The following LYPD6B variants were observed in gnomAD, a reference collection of about 807,000 sequenced individuals.
LYPD6B encodes the protein LY6/PLAUR domain containing 6B, also known as ly6/PLAUR domain-containing protein 6B.
LYPD6B carries 17 observed loss-of-function variants against 22.8 expected under a neutral mutation model. That is an observed-to-expected ratio of 0.75 (90% CI 0.51 to 1.12). LYPD6B has a LOEUF of 1.12. Ranked by LOEUF, LYPD6B falls within the 50% of genes most tolerant of loss-of-function variation. The probability of loss-of-function intolerance (pLI) is 0.00; values close to 1 mark genes in which losing one functional copy is unlikely to be tolerated. For missense variants in LYPD6B, 221 were observed against 258.3 expected, an observed-to-expected ratio of 0.86 and a Z score of 0.99; for synonymous variants, 106 against 91.6, an observed-to-expected ratio of 1.16 and a Z score of -0.90.
chr2:149,080,841 C>CAAA (rs35803068), intron 1 of LYPD6B, among the ~76,000 whole-genome samples: 14 of 46,208 alleles, frequency 3.0e-4, no homozygotes, highest in African/African-American at 9.5e-4. Flanking sequence ...GACTCTATCT[C>CAAA]AAAAAAAAAA....
intron 1 of LYPD6B, among the ~76,000 whole-genome samples, chr2:149,104,067 C>T (rs537982321): frequency 5.3e-5 from 8 of 152,136 alleles, no homozygotes; most frequent in African/African-American, 1.4e-4. Context: ...TGTGAGCCAC[C>T]GCACCTGGCC....
intron 2 of LYPD6B, among the ~76,000 whole-genome samples, chr2:149,145,712 G>A (rs768346011): frequency 6.6e-6 from 1 of 152,140 alleles, no homozygotes; most frequent in Non-Finnish European, 1.5e-5. Flanking sequence ...ACTTGAAGTT[G>A]GCATCCTCCA....
At chr2:149,168,231 A>G (rs1690564669) in intron 3 of LYPD6B, among the ~76,000 whole-genome samples, 2 of 151,586 alleles carry the variant, frequency 1.3e-5, no homozygotes, top group East Asian at 3.9e-4. Context: ...AAAAAAAAAA[A>G]AAAAGAACCT....
intron 1 of LYPD6B, among the ~76,000 whole-genome samples, chr2:149,060,793 G>A (rs1457099243): frequency 6.6e-6 from 1 of 152,158 alleles, no homozygotes; most frequent in African/African-American, 2.4e-5. Context: ...AAGGGTAGGA[G>A]CACAGGGAGA....
chr2:149,213,864 A>T (rs529637816), intron 6 of LYPD6B, among the ~76,000 whole-genome samples: 7 of 152,112 alleles, frequency 4.6e-5, no homozygotes, highest in Non-Finnish European at 8.8e-5. Flanking sequence ...GGTGATTCTG[A>T]TGTGCAGCCA....
In LYPD6B at chr2:149,190,065, C is replaced by A. The variant is rs560891681; in HGVS notation, c.78-15188C>A. 4.6e-5 allele frequency among the ~76,000 whole-genome samples: 7 copies of A among 152,320 alleles called. No individual in the cohort carries two copies. In the South Asian group the frequency reaches 1.5e-3, roughly 32 times the overall value. On this transcript the variant is annotated intron_variant, in intron 3 of 6. Coordinates refer to ENST00000409642, the MANE Select transcript of LYPD6B (RefSeq NM_177964.5). The stretch of plus-strand genomic sequence containing the variant: ...TATACTCTGAGAAGTCCCTTTCTCA[C>A]TTCTGTTCCCTTGTACTATAATTTT...
At chr2:149,187,456 G>A in intron 3 of LYPD6B, 2 of 1,528,740 alleles carry the variant, frequency 1.3e-6, no homozygotes, top group South Asian at 1.2e-5. Flanking sequence ...AAGAAGATGA[G>A]AATCACAGTA....
At chr2:149,187,093 G>A (rs1692159976) in intron 3 of LYPD6B, among the ~76,000 whole-genome samples, 1 of 152,184 alleles carries the variant, frequency 6.6e-6, no homozygotes, top group Non-Finnish European at 1.5e-5. Context: ...ATAGACTCCA[G>A]TATAGTGTAA....
At chr2:149,184,747 A>T (rs1321246084) in intron 3 of LYPD6B, among the ~76,000 whole-genome samples, 10 of 152,146 alleles carry the variant, frequency 6.6e-5, no homozygotes, top group Admixed American at 6.5e-4. Context: ...CAGACTTGTC[A>T]CCTCTGACTG....
intron 1 of LYPD6B, among the ~76,000 whole-genome samples, chr2:149,046,031 C>T (rs1317934824): frequency 6.6e-6 from 1 of 152,058 alleles, no homozygotes; most frequent in African/African-American, 2.4e-5. Context: ...TTTCTTTTTA[C>T]TCATATCACT....
intron 1 of LYPD6B, among the ~76,000 whole-genome samples, chr2:149,089,876 G>A (rs1685570625): frequency 6.6e-6 from 1 of 152,204 alleles, no homozygotes; most frequent in African/African-American, 2.4e-5. Flanking sequence ...ATTGTGCAGA[G>A]GCTGGGTGGG....
intron 1 of LYPD6B, among the ~76,000 whole-genome samples, chr2:149,122,230 G>A (rs935216993): frequency 3.3e-5 from 5 of 152,128 alleles, no homozygotes; most frequent in Admixed American, 6.5e-5. Flanking sequence ...CCGAGATCGT[G>A]TCACAAGTCT....
chr2:149,177,813 G>T (rs1691422597), intron 3 of LYPD6B, among the ~76,000 whole-genome samples: 2 of 150,002 alleles, frequency 1.3e-5, no homozygotes, highest in African/African-American at 4.9e-5. Context: ...ACACAACCTG[G>T]CACTGTATCC....
chr2:149,141,725 A>G (rs1399069894), intron 2 of LYPD6B, among the ~76,000 whole-genome samples: 1 of 152,222 alleles, frequency 6.6e-6, no homozygotes, highest in Non-Finnish European at 1.5e-5. Flanking sequence ...CAGGGCAACT[A>G]TAACAAAGTA....
In LYPD6B at chr2:149,107,130, G is replaced by T. The variant is rs182298579; in HGVS notation, c.-66-23753G>T. On this transcript the variant is annotated intron_variant, in intron 1 of 6. Transcript: ENST00000409642. ...CTATAATTAAAGTTATGTAAATGTG[G>T]TCTTTCTTAAAATATCTTATTGTGC... Among the ~76,000 whole-genome samples, 3 of 152,212 alleles carry T rather than the reference G, an allele frequency of 2.0e-5. No homozygotes were observed. The East Asian group carries it at 5.8e-4, about 29-fold the overall frequency.
rs1480541140 is a variant in LYPD6B, at chr2:149,099,416, G to GCCTAGGGTCCTTGTA, written c.-66-31461_-66-31460insGTCCTTGTACCTAGG. On this transcript the variant is annotated intron_variant, in intron 1 of 6. Coordinates refer to ENST00000409642, the MANE Select transcript of LYPD6B (RefSeq NM_177964.5). ...CCCCAGGCTGTGACAAGTTCCTTGG[G>GCCTAGGGTCCTTGTA]CCTAGGATCCTTGTACCTAGGATCC... Among the ~76,000 whole-genome samples the GCCTAGGGTCCTTGTA allele has an allele frequency of 6.8e-5, 7 of 102,292 alleles. No individual in the cohort carries two copies. In the East Asian group the frequency reaches 3.0e-3, roughly 43 times the overall value. 67.1% of individuals were successfully genotyped at this position (102,292 alleles called of 152,430 possible). A position where few individuals can be genotyped will look rare whatever the true frequency, so the allele number is the denominator to read the frequency against.
chr2:149,213,206 G>A, intron 6 of LYPD6B, 84 bp downstream of exon 6: 1 of 1,519,072 alleles, frequency 6.6e-7, no homozygotes, highest in South Asian at 1.2e-5. Flanking sequence ...AGGAAGGATA[G>A]TAATATGTGG....
intron 3 of LYPD6B, chr2:149,188,693 A>G (rs1197343256): frequency 7.1e-6 from 7 of 982,874 alleles, no homozygotes; most frequent in Non-Finnish European, 8.5e-6. Context: ...CAGAGGATAT[A>G]TTCCGTAACG....
intron 1 of LYPD6B, among the ~76,000 whole-genome samples, chr2:149,053,263 G>A (rs1297347560): frequency 2.6e-5 from 4 of 152,012 alleles, no homozygotes; most frequent in Non-Finnish European, 4.4e-5. Flanking sequence ...TCCTTGTCTT[G>A]CTAACAGTAT....
Sources: allele counts gnomAD v4.1 joint callset (sites outside exome capture counted in the v4.1 genomes callset), GRCh38; gene constraint gnomAD v4.1.1; transcripts MANE v1.5; gene names NCBI Gene and HGNC (gene_info 2026-07-23, HGNC 2026-07-21).